The following GRAMD2B variants were observed in gnomAD, a reference collection of about 807,000 sequenced individuals.
GRAMD2B encodes the protein GRAM domain-containing protein 2B.
GRAMD2B carries 41 observed loss-of-function variants against 59.2 expected under a neutral mutation model. The observed-to-expected ratio is 0.69, with a 90% CI of 0.54 to 0.90. The LOEUF (loss-of-function observed/expected upper bound fraction) is 0.90. Ranked by LOEUF, GRAMD2B falls within the 40% of genes least tolerant of loss-of-function variation. The pLI is 0.00. For missense variants in GRAMD2B, 424 were observed against 500.5 expected (o/e 0.85, Z 1.46); for synonymous variants, 161 against 182.7 (o/e 0.88, Z 0.96).
intron 9 of GRAMD2B, 40 bp downstream of exon 9, chr5:126,483,614 C>G (rs780035401): frequency 8.8e-7 from 1 of 1,131,070 alleles, no homozygotes; most frequent in South Asian, 1.3e-5. Flanking sequence ...ATTTAATTCC[C>G]CTCAAAACAT....
chr5:126,418,094 C>T (rs558482441), intron 1 of GRAMD2B, among the ~76,000 whole-genome samples: 28 of 152,218 alleles, frequency 1.8e-4, no homozygotes, highest in Admixed American at 4.6e-4. Flanking sequence ...ATTGAAATAG[C>T]AGCAGGAAAT....
intron 1 of GRAMD2B, among the ~76,000 whole-genome samples, chr5:126,375,630 A>G (rs1056408848): frequency 1.3e-5 from 2 of 152,118 alleles, no homozygotes; most frequent in Non-Finnish European, 2.9e-5. Context: ...TCGGCCTCCC[A>G]AAGTGCTGAG....
chr5:126,444,244 C>T (rs1252568110), intron 1 of GRAMD2B, among the ~76,000 whole-genome samples: 1 of 152,180 alleles, frequency 6.6e-6, no homozygotes. Context: ...CATTATCCCC[C>T]ACTACTGAGC....
At chr5:126,402,311 C>T (rs1056120990) in intron 1 of GRAMD2B, among the ~76,000 whole-genome samples, 2 of 152,084 alleles carry the variant, frequency 1.3e-5, no homozygotes, top group African/African-American at 4.8e-5. Context: ...TTAGCCAATG[C>T]AGAAAGCCTG....
At position 126,485,628 on chromosome 5, in the gene GRAMD2B, T is replaced by C. The variant is rs1382620525; in HGVS notation, c.971-58T>C. The C allele has an allele frequency of 5.7e-6, 6 of 1,058,792 alleles. No homozygotes were observed. The African/African-American group carries it at 9.5e-5, about 17-fold the overall frequency. The allele number at this position is 1,058,792 out of a possible 1,614,324, so 65.6% of individuals were successfully genotyped here. ...CTCAAGTACCCCATAGGGATATTGC[T>C]GGATAAAAGAAGTGTGTTATGGTTT... On this transcript the variant is annotated intron_variant, in intron 10 of 13. Transcript: ENST00000285689.
At chr5:126,491,266 G>C (rs1773878164) in intron 13 of GRAMD2B, among the ~76,000 whole-genome samples, 2 of 152,028 alleles carry the variant, frequency 1.3e-5, no homozygotes, top group South Asian at 4.2e-4. Context: ...ATTTATCTTT[G>C]GTCCTGAGGG....
chr5:126,477,651 G>GTT, intron 5 of GRAMD2B, 41 bp from the exon 6 acceptor site: 1 of 1,068,350 alleles, frequency 9.4e-7, no homozygotes, highest in Non-Finnish European at 1.5e-6. Flanking sequence ...GTGCTGTTCT[G>GTT]TCAAGTCTGA....
In GRAMD2B at chr5:126,484,625, G is replaced by A; in HGVS notation, c.970+101G>A. ...AGACAGCATCTTGCTCTATCACCCA[G>A]GCTGCTGTAGTGCAATAACATGATC... is the stretch of plus-strand genomic sequence containing the variant. On this transcript the variant is annotated intron_variant, in intron 10 of 13. Coordinates refer to ENST00000285689, the MANE Select transcript of GRAMD2B (RefSeq NM_023927.4). 4.9e-6 allele frequency: 6 copies of A among 1,227,282 alleles called. 1 individual carries two copies. In the South Asian group the frequency reaches 9.8e-5, roughly 20 times the overall value. 76.0% of individuals were successfully genotyped at this position (1,227,282 alleles called of 1,614,324 possible).
chr5:126,422,483 G>A (rs1759841656), upstream of GRAMD2B, among the ~76,000 whole-genome samples: 1 of 152,210 alleles, frequency 6.6e-6, no homozygotes, highest in South Asian at 2.1e-4. Flanking sequence ...ACAGGCGTAA[G>A]CCACCGTGCC....
intron 2 of GRAMD2B, among the ~76,000 whole-genome samples, chr5:126,469,466 A>AC (rs1400409246): frequency 6.6e-6 from 1 of 151,938 alleles, no homozygotes; most frequent in Non-Finnish European, 1.5e-5. Flanking sequence ...ACGTGGTGAA[A>AC]CCCCATCTCT....
chr5:126,485,329 G>C (rs1176330596), intron 10 of GRAMD2B, among the ~76,000 whole-genome samples: 4 of 152,150 alleles, frequency 2.6e-5, no homozygotes, highest in Admixed American at 2.6e-4. Flanking sequence ...CTGGGCAACA[G>C]AGTGAGACTA....
At chr5:126,412,872 T>G (rs570671451) in intron 1 of GRAMD2B, among the ~76,000 whole-genome samples, 3 of 152,136 alleles carry the variant, frequency 2.0e-5, no homozygotes, top group African/African-American at 7.2e-5. Context: ...AGCCATATCC[T>G]CTAGAGTTTA....
chr5:126,466,589 C>T (rs1185937967), intron 2 of GRAMD2B, among the ~76,000 whole-genome samples: 1 of 152,174 alleles, frequency 6.6e-6, no homozygotes, highest in African/African-American at 2.4e-5. Flanking sequence ...CCATGCCCAC[C>T]TAATTTTTGT....
rs1256360991 is a variant in GRAMD2B at position 126,473,317 on chromosome 5, A to G, written c.435A>G (p.Val145=). 3.9e-6 allele frequency: 6 copies of G among 1,547,396 alleles called. No individual in the cohort carries two copies. The highest frequency in any genetic ancestry group is 5.2e-6 in the Non-Finnish European group (6 of 1,144,414). The change falls in exon 5 of 14, where the codon GTA becomes GTG. Residue 145 remains valine, a synonymous_variant. Transcript: ENST00000285689. The stretch of plus-strand genomic sequence containing the variant: ...TACTATACCAAGGAAAGCTCTTTGT[A>G]TCAGAAAACTGGATTTGTTTTCATT... ...KEILYQGKLF[V]SENWICFHSK...
chr5:126,475,024 T>C (rs1457094763), intron 5 of GRAMD2B, among the ~76,000 whole-genome samples: 1 of 152,236 alleles, frequency 6.6e-6, no homozygotes, highest in Non-Finnish European at 1.5e-5. Context: ...TGGTCCAATA[T>C]GAGCTGAAGG....
chr5:126,393,401 A>G (rs1034939160), intron 1 of GRAMD2B, among the ~76,000 whole-genome samples: 1 of 152,258 alleles, frequency 6.6e-6, no homozygotes, highest in Admixed American at 6.5e-5. Context: ...TTTAAAAATT[A>G]TCTTCAGAAA....
intron 1 of GRAMD2B, among the ~76,000 whole-genome samples, chr5:126,374,145 T>C (rs557706144): frequency 1.3e-5 from 2 of 152,302 alleles, no homozygotes; most frequent in South Asian, 4.2e-4. Flanking sequence ...CATGATTAAC[T>C]TTTTTTGCCA....
At chr5:126,410,322 C>A (rs1371966235) in intron 1 of GRAMD2B, among the ~76,000 whole-genome samples, 1 of 151,940 alleles carries the variant, frequency 6.6e-6, no homozygotes, top group African/African-American at 2.4e-5. Flanking sequence ...TACCCATGAG[C>A]ATGGAATGTT....
intron 1 of GRAMD2B, among the ~76,000 whole-genome samples, chr5:126,394,604 C>T (rs567379524): frequency 6.6e-6 from 1 of 152,154 alleles, no homozygotes; most frequent in African/African-American, 2.4e-5. Flanking sequence ...AATATTCTGC[C>T]TTCCATTTCA....
Sources: allele counts gnomAD v4.1 joint callset (sites outside exome capture counted in the v4.1 genomes callset), GRCh38; gene constraint gnomAD v4.1.1; transcripts MANE v1.5; gene names NCBI Gene and HGNC (gene_info 2026-07-23, HGNC 2026-07-21).